MBNL2: variants seen among roughly 807,000 people sequenced by gnomAD.
The protein encoded by MBNL2 is muscleblind-like protein 2.
Under a neutral mutation model 41.9 loss-of-function variants are expected in MBNL2, and 17 were observed. That is an observed-to-expected ratio of 0.41 (90% confidence interval 0.28 to 0.61). The LOEUF (loss-of-function observed/expected upper bound fraction) is 0.61, where lower values mean the gene tolerates loss of function less well. Ranked by LOEUF, MBNL2 falls within the 20% of genes least tolerant of loss-of-function variation. The probability of loss-of-function intolerance (pLI) is 0.35; values close to 1 mark genes in which losing one functional copy is unlikely to be tolerated. For synonymous variants in MBNL2, 195 were observed against 182.9 expected, an observed-to-expected ratio of 1.07 and a Z score of -0.53; for missense variants, 336 against 505.6, an observed-to-expected ratio of 0.66 and a Z score of 3.22.
chr13:97,367,343 G>A (rs2063932052), intron 8 of MBNL2, among the ~76,000 whole-genome samples: 1 of 152,196 alleles, frequency 6.6e-6, no homozygotes, highest in South Asian at 2.1e-4. Context: ...CAGCGTGAGG[G>A]TGAGTGAGCA....
intron 8 of MBNL2, among the ~76,000 whole-genome samples, chr13:97,368,288 C>T (rs2064030744): frequency 6.6e-6 from 1 of 152,108 alleles, no homozygotes; most frequent in Non-Finnish European, 1.5e-5. Context: ...GTGCCATACA[C>T]TGTAGTCCCA....
intron 3 of MBNL2, among the ~76,000 whole-genome samples, chr13:97,339,871 G>GTTT (rs142257683): frequency 9.0e-6 from 1 of 111,010 alleles, no homozygotes; most frequent in Non-Finnish European, 2.1e-5. Flanking sequence ...ATTTGTGTGT[G>GTTT]GGCGGGGGGG....
intron 8 of MBNL2, among the ~76,000 whole-genome samples, chr13:97,377,006 G>A (rs552792225): frequency 4.6e-5 from 7 of 152,208 alleles, no homozygotes; most frequent in South Asian, 2.1e-4. Flanking sequence ...GTGCTTTAAC[G>A]GATCGTGTAA....
At chr13:97,380,219 C>T (rs972725119) in intron 8 of MBNL2, among the ~76,000 whole-genome samples, 1 of 151,902 alleles carries the variant, frequency 6.6e-6, no homozygotes, top group Non-Finnish European at 1.5e-5. Context: ...TTGAGCTGGG[C>T]GCAGTGGCTC....
chr13:97,296,444 C>T (rs549050212), intron 2 of MBNL2, among the ~76,000 whole-genome samples: 2 of 152,178 alleles, frequency 1.3e-5, no homozygotes, highest in African/African-American at 4.8e-5. Context: ...TATCAAGGTG[C>T]TTTTTTTATA....
At chr13:97,349,110 CCTT>C (rs1302421052) in intron 5 of MBNL2, among the ~76,000 whole-genome samples, 1 of 152,178 alleles carries the variant, frequency 6.6e-6, no homozygotes, top group Admixed American at 6.5e-5. Flanking sequence ...TTCCTCTCGT[CCTT>C]CTCATTCATA....
At position 97,358,757 on chromosome 13, in the gene MBNL2, T is replaced by C. The variant is rs748494604; in HGVS notation, c.1012+1122T>C. Among the ~76,000 whole-genome samples the C allele has an allele frequency of 6.7e-4, 102 of 152,230 alleles. 1 individual carries two copies. Among genetic ancestry groups the C allele is most frequent in the Non-Finnish European group, 3.2e-4 (22 of 68,032 alleles). On this transcript the variant is annotated intron_variant, in intron 7 of 8. Coordinates refer to ENST00000679496, the MANE Select transcript of MBNL2 (RefSeq NM_001382683.1). Reference sequence around the variant, plus strand: ...CACGATAGTGAAATGAAAGTAAATATAAATGAATAACAATTCTAACAAAAA... The same window carrying C: ...CACGATAGTGAAATGAAAGTAAATACAAATGAATAACAATTCTAACAAAAA...
intron 2 of MBNL2, among the ~76,000 whole-genome samples, chr13:97,285,277 A>T (rs1467439686): frequency 1.3e-5 from 2 of 152,168 alleles, no homozygotes; most frequent in African/African-American, 4.8e-5. Flanking sequence ...CTCACAAGCA[A>T]ATGTTCTTTA....
intron 6 of MBNL2, 144 bp from the exon 7 acceptor site, chr13:97,357,338 G>T: frequency 1.5e-6 from 1 of 666,322 alleles, no homozygotes; most frequent in East Asian, 2.7e-5. Context: ...ATTCGACATT[G>T]CCGCTGTTTA....
chr13:97,356,614 G>T (rs1465209419), intron 5 of MBNL2, among the ~76,000 whole-genome samples, 182 bp from the exon 6 acceptor site: 1 of 152,076 alleles, frequency 6.6e-6, no homozygotes, highest in Non-Finnish European at 1.5e-5. Context: ...CATTTTTGTT[G>T]TTGTGCATGC....
At chr13:97,225,772 A>G (rs766620104) in intron 1 of MBNL2, among the ~76,000 whole-genome samples, 8 of 152,188 alleles carry the variant, frequency 5.3e-5, no homozygotes, top group Non-Finnish European at 1.0e-4. Flanking sequence ...TCAAGACCCA[A>G]GCTAAAGGCC....
At chr13:97,273,386 T>G (rs2051495954) in intron 1 of MBNL2, among the ~76,000 whole-genome samples, 1 of 152,234 alleles carries the variant, frequency 6.6e-6, no homozygotes, top group Admixed American at 6.5e-5. Flanking sequence ...GGCTGGTCTA[T>G]GAAACCCAAC....
the MBNL2 span, among the ~76,000 whole-genome samples, chr13:97,187,439 G>T: frequency 6.6e-6 from 1 of 151,420 alleles, no homozygotes; most frequent in Admixed American, 6.6e-5. Context: ...GAAGCTAAAA[G>T]GTTCAAAAAT....
At chr13:97,297,438 G>T (rs1397095509) in intron 2 of MBNL2, among the ~76,000 whole-genome samples, 1 of 152,106 alleles carries the variant, frequency 6.6e-6, no homozygotes, top group African/African-American at 2.4e-5. Flanking sequence ...CCAGTCCAGG[G>T]GTTGCGGAGG....
intron 8 of MBNL2, among the ~76,000 whole-genome samples, chr13:97,376,594 A>AG (rs1289942562): frequency 1.3e-5 from 2 of 152,192 alleles, no homozygotes; most frequent in African/African-American, 4.8e-5. Flanking sequence ...AAGATCTCAG[A>AG]GCACATGTCA....
the MBNL2 span, among the ~76,000 whole-genome samples, chr13:97,187,496 T>C: frequency 1.4e-5 from 2 of 142,120 alleles, no homozygotes; most frequent in Non-Finnish European, 3.0e-5. Flanking sequence ...ACATTAGGAA[T>C]GAGGTCCCAG....
intron 3 of MBNL2, among the ~76,000 whole-genome samples, chr13:97,342,051 A>G (rs2061483650): frequency 6.6e-6 from 1 of 152,252 alleles, no homozygotes; most frequent in Non-Finnish European, 1.5e-5. Context: ...AAACAAATGA[A>G]AAGAAGCATT....
chr13:97,165,944 C>T, the MBNL2 span, among the ~76,000 whole-genome samples: 3 of 152,190 alleles, frequency 2.0e-5, no homozygotes, highest in African/African-American at 4.8e-5. Context: ...TTTGTGTAGA[C>T]TTTCTCCATC....
chr13:97,328,009 C>T (rs190644198), intron 2 of MBNL2, among the ~76,000 whole-genome samples: 2 of 152,236 alleles, frequency 1.3e-5, no homozygotes, highest in Non-Finnish European at 2.9e-5. Context: ...TATGCATTAA[C>T]TCTTAATCCT....
Sources: gnomAD v4.1 joint callset for allele counts (sites outside exome capture counted in the v4.1 genomes callset) on GRCh38, gnomAD v4.1.1 for gene constraint, MANE v1.5 for transcripts, NCBI Gene and HGNC (gene_info 2026-07-23, HGNC 2026-07-21) for gene names.